The following NXPE2 variants were observed in gnomAD, a reference collection of about 807,000 sequenced individuals.
The protein encoded by NXPE2 is NXPE family member 2.
NXPE2 carries 34 observed loss-of-function variants against 34.4 expected under a neutral mutation model. The observed-to-expected ratio is 0.99, with a 90% confidence interval of 0.75 to 1.31. The LOEUF is 1.31. Ranked by LOEUF, NXPE2 falls within the 40% of genes most tolerant of loss-of-function variation. The pLI, the probability that NXPE2 is intolerant of heterozygous loss-of-function variation, is 0.00. For synonymous variants in NXPE2, 235 were observed against 231.3 expected, an observed-to-expected ratio of 1.02 and a Z score of -0.15; for missense variants, 649 against 672.5, an observed-to-expected ratio of 0.97 and a Z score of 0.39.
At chr11:114,791,436 G>A in the NXPE2 span, among the ~76,000 whole-genome samples, 19 of 152,332 alleles carry the variant, frequency 1.2e-4, no homozygotes, top group Middle Eastern at 3.4e-3. Context: ...GTTGTCTCCT[G>A]GCCCCTTACC....
chr11:114,467,050 T>C, the NXPE2 span, among the ~76,000 whole-genome samples: 2 of 152,214 alleles, frequency 1.3e-5, no homozygotes, highest in African/African-American at 4.8e-5. Context: ...TAAATTTAAG[T>C]ATGTCAAGCA....
chr11:114,604,718 G>A, the NXPE2 span, among the ~76,000 whole-genome samples: 981 of 152,018 alleles, frequency 6.5e-3, 13 homozygotes, highest in Middle Eastern at 0.01. Context: ...TGCCTTGTGG[G>A]TAACCACTGT....
chr11:114,702,511 T>G (rs1226965482), intron 3 of NXPE2, among the ~76,000 whole-genome samples: 1 of 152,178 alleles, frequency 6.6e-6, no homozygotes, highest in Non-Finnish European at 1.5e-5. Context: ...TCAGTAATAA[T>G]AATTGCAATG....
intron 4 of NXPE2, 78 bp downstream of exon 4, chr11:114,704,130 C>A: frequency 9.5e-7 from 1 of 1,051,108 alleles, no homozygotes; most frequent in Non-Finnish European, 1.4e-6. Context: ...GATATTTATT[C>A]CACATTAACG....
the NXPE2 span, among the ~76,000 whole-genome samples, chr11:114,807,022 GT>G: frequency 9.2e-5 from 14 of 152,142 alleles, no homozygotes; most frequent in African/African-American, 3.1e-4. Flanking sequence ...CCAGAAGAGA[GT>G]GGGGACCAAT....
chr11:114,484,191 A>C, the NXPE2 span, among the ~76,000 whole-genome samples: 1 of 152,086 alleles, frequency 6.6e-6, no homozygotes, highest in East Asian at 1.9e-4. Flanking sequence ...TGTATTGTTC[A>C]ACTCTGCCGT....
chr11:114,546,399 A>G, the NXPE2 span, among the ~76,000 whole-genome samples: 2 of 152,168 alleles, frequency 1.3e-5, no homozygotes, highest in African/African-American at 4.8e-5. Context: ...ATTGAAATGG[A>G]TATTTTACAT....
the NXPE2 span, among the ~76,000 whole-genome samples, chr11:114,517,431 T>A: frequency 6.6e-6 from 1 of 152,210 alleles, no homozygotes; most frequent in Admixed American, 6.5e-5. Flanking sequence ...GGTGCTACTC[T>A]GTTTTATTTT....
chr11:114,605,567 CG>C, the NXPE2 span, among the ~76,000 whole-genome samples: 1 of 150,422 alleles, frequency 6.6e-6, no homozygotes, highest in Non-Finnish European at 1.5e-5. Context: ...CACTGTTACC[CG>C]GTGGATAATA....
chr11:114,564,672 G>T, the NXPE2 span, among the ~76,000 whole-genome samples: 1 of 152,094 alleles, frequency 6.6e-6, no homozygotes, highest in African/African-American at 2.4e-5. Flanking sequence ...GACTTGAAGG[G>T]TGACTGAAAT....
At chr11:114,643,648 T>G in the NXPE2 span, among the ~76,000 whole-genome samples, 1 of 152,126 alleles carries the variant, frequency 6.6e-6, no homozygotes, top group African/African-American at 2.4e-5. Flanking sequence ...CCATGCTGTT[T>G]TCATTACTGT....
chr11:114,489,128 C>G, the NXPE2 span, among the ~76,000 whole-genome samples: 5 of 151,950 alleles, frequency 3.3e-5, no homozygotes, highest in Admixed American at 1.3e-4. Context: ...ATAAATTCCT[C>G]GACACATACA....
chr11:114,791,839 G>A, the NXPE2 span, among the ~76,000 whole-genome samples: 7 of 152,184 alleles, frequency 4.6e-5, no homozygotes, highest in South Asian at 4.2e-4. Context: ...GGCGGATCAC[G>A]AGGTCAGGAG....
At chr11:114,468,970 G>C in the NXPE2 span, among the ~76,000 whole-genome samples, 1,977 of 152,122 alleles carry the variant, frequency 0.013, 46 homozygotes, top group African/African-American at 0.046. Flanking sequence ...ATGATTTACA[G>C]ACAGGGTAAT....
At chr11:114,740,932 G>A in the NXPE2 span, among the ~76,000 whole-genome samples, 19,326 of 152,094 alleles carry the variant, frequency 0.13, 1,538 homozygotes, top group African/African-American at 0.22. Context: ...ATTGTCTCTT[G>A]TGATAGTTTT....
At chr11:114,537,201 G>T in the NXPE2 span, among the ~76,000 whole-genome samples, 1 of 152,182 alleles carries the variant, frequency 6.6e-6, no homozygotes, top group Non-Finnish European at 1.5e-5. Flanking sequence ...CTCAATAGAT[G>T]CAGAAAGGGC....
At chr11:114,494,580 T>C in the NXPE2 span, among the ~76,000 whole-genome samples, 28 of 152,216 alleles carry the variant, frequency 1.8e-4, no homozygotes, top group Admixed American at 1.6e-3. Context: ...TTGTTCAATG[T>C]ATCTGATATG....
chr11:114,534,505 C>T, the NXPE2 span, among the ~76,000 whole-genome samples: 21 of 151,932 alleles, frequency 1.4e-4, no homozygotes, highest in Admixed American at 2.6e-4. Flanking sequence ...GGAGGAAGTT[C>T]GAATCAATGG....
chr11:114,651,915 T>C, the NXPE2 span, among the ~76,000 whole-genome samples: 1 of 152,002 alleles, frequency 6.6e-6, no homozygotes, highest in African/African-American at 2.4e-5. Flanking sequence ...ACAGAAACCA[T>C]AAACAAAACA....
Sources: allele counts gnomAD v4.1 joint callset (sites outside exome capture counted in the v4.1 genomes callset), GRCh38; gene constraint gnomAD v4.1.1; transcripts MANE v1.5; gene names NCBI Gene and HGNC (gene_info 2026-07-23, HGNC 2026-07-21).